The following ITGBL1 variants were observed in gnomAD, a reference collection of about 807,000 sequenced individuals.
The protein encoded by ITGBL1 is integrin subunit beta like 1.
ITGBL1 carries 51 observed loss-of-function variants against 68.5 expected under a neutral mutation model. The observed-to-expected ratio is 0.74, with a 90% CI of 0.59 to 0.94. The LOEUF (loss-of-function observed/expected upper bound fraction) is 0.94, where lower values mean the gene tolerates loss of function less well. Ranked by LOEUF, ITGBL1 falls within the 40% of genes least tolerant of loss-of-function variation. The pLI, the probability that ITGBL1 is intolerant of heterozygous loss-of-function variation, is 0.00. For synonymous variants in ITGBL1, 209 were observed against 227.3 expected (o/e 0.92, Z 0.72); for missense variants, 649 against 647.4 (o/e 1.00, Z -0.03).
At chr13:101,515,573 AT>A (rs909682187) in intron 2 of ITGBL1, among the ~76,000 whole-genome samples, 2 of 151,194 alleles carry the variant, frequency 1.3e-5, no homozygotes, top group East Asian at 1.9e-4. Context: ...GGTATCTGCC[AT>A]TTTTTTTTCT....
At chr13:101,709,321 C>T (rs1222639844) in intron 9 of ITGBL1, among the ~76,000 whole-genome samples, 2 of 135,538 alleles carry the variant, frequency 1.5e-5, no homozygotes, top group South Asian at 2.3e-4. Flanking sequence ...GCCGAGATTG[C>T]GCCACTGCAG....
At chr13:101,544,090 T>C (rs1240688083) in intron 2 of ITGBL1, among the ~76,000 whole-genome samples, 1 of 152,242 alleles carries the variant, frequency 6.6e-6, no homozygotes, top group Non-Finnish European at 1.5e-5. Flanking sequence ...GTTCTGTTGC[T>C]GGTGAGGAGC....
chr13:101,505,375 T>A (rs1387649375), intron 2 of ITGBL1, among the ~76,000 whole-genome samples: 3 of 152,168 alleles, frequency 2.0e-5, no homozygotes, highest in Non-Finnish European at 4.4e-5. Context: ...GAAGAACTCA[T>A]AATCTAGCAG....
intron 4 of ITGBL1, among the ~76,000 whole-genome samples, chr13:101,579,004 T>G (rs1368449996): frequency 6.6e-6 from 1 of 152,192 alleles, no homozygotes; most frequent in African/African-American, 2.4e-5. Context: ...GGAAAAGTAA[T>G]AGACTGTCAT....
chr13:101,682,108 G>A (rs2139529415), intron 7 of ITGBL1, among the ~76,000 whole-genome samples: 1 of 152,222 alleles, frequency 6.6e-6, no homozygotes, highest in South Asian at 2.1e-4. Flanking sequence ...ATAAAAGATT[G>A]TGGAACAAGA....
At chr13:101,495,941 T>C (rs1389937431) in intron 2 of ITGBL1, among the ~76,000 whole-genome samples, 3 of 152,190 alleles carry the variant, frequency 2.0e-5, no homozygotes, top group African/African-American at 4.8e-5. Context: ...ACATTGTATA[T>C]TTCATAATAT....
intron 7 of ITGBL1, among the ~76,000 whole-genome samples, chr13:101,646,045 G>C (rs1233876563): frequency 6.6e-6 from 1 of 152,172 alleles, no homozygotes; most frequent in African/African-American, 2.4e-5. Flanking sequence ...TAATGCCAAA[G>C]AGTGAGTGCT....
At chr13:101,462,668 C>T (rs916096782) in intron 2 of ITGBL1, among the ~76,000 whole-genome samples, 1 of 152,120 alleles carries the variant, frequency 6.6e-6, no homozygotes, top group African/African-American at 2.4e-5. Flanking sequence ...CTGCAACCTC[C>T]ACCTCCCGGG....
intron 7 of ITGBL1, among the ~76,000 whole-genome samples, chr13:101,613,090 C>G (rs1053490968): frequency 1.3e-5 from 2 of 152,030 alleles, no homozygotes; most frequent in South Asian, 2.1e-4. Flanking sequence ...CTTTTTGGAC[C>G]CTTAACTTTG....
At chr13:101,615,382 A>C (rs1168022688) in intron 7 of ITGBL1, among the ~76,000 whole-genome samples, 1 of 152,168 alleles carries the variant, frequency 6.6e-6, no homozygotes, top group African/African-American at 2.4e-5. Flanking sequence ...TATTCAACTG[A>C]TTATACCCTC....
intron 7 of ITGBL1, among the ~76,000 whole-genome samples, chr13:101,616,869 G>A (rs2031384837): frequency 6.6e-6 from 1 of 152,192 alleles, no homozygotes; most frequent in South Asian, 2.1e-4. Flanking sequence ...GGGAGTTGGG[G>A]AATCCCATAT....
chr13:101,556,435 G>A (rs1374939111), intron 2 of ITGBL1, among the ~76,000 whole-genome samples: 6 of 152,066 alleles, frequency 3.9e-5, no homozygotes, highest in African/African-American at 9.7e-5. Context: ...TCGGGAGTTC[G>A]AGACCAGCCT....
chr13:101,711,926 A>C (rs901690182), intron 9 of ITGBL1: 5 of 152,334 alleles, frequency 3.3e-5, no homozygotes, highest in Admixed American at 2.6e-4. Context: ...GCTGGGTCTC[A>C]GGGGTGTGAG....
chr13:101,663,905 G>T (rs1330093058), intron 7 of ITGBL1, among the ~76,000 whole-genome samples: 1 of 152,054 alleles, frequency 6.6e-6, no homozygotes, highest in Non-Finnish European at 1.5e-5. Flanking sequence ...GTGGCCTAAG[G>T]GAAAGAGAGA....
At chr13:101,630,266 G>A (rs1283583424) in intron 7 of ITGBL1, among the ~76,000 whole-genome samples, 5 of 151,974 alleles carry the variant, frequency 3.3e-5, no homozygotes, top group African/African-American at 9.7e-5. Flanking sequence ...TTTAAAATAA[G>A]TATTGTCATT....
chr13:101,574,063 G>A (rs1297081769), intron 3 of ITGBL1, among the ~76,000 whole-genome samples: 1 of 151,984 alleles, frequency 6.6e-6, no homozygotes, highest in Non-Finnish European at 1.5e-5. Flanking sequence ...TTATGCTATT[G>A]CTTCATCTAG....
chr13:101,501,882 A>T lies in ITGBL1; in HGVS notation c.316+47782A>T, dbSNP rs537904651. 6.0e-4 allele frequency among the ~76,000 whole-genome samples: 92 copies of T among 152,308 alleles called. 1 individual carries two copies. Among genetic ancestry groups the T allele is most frequent in the African/African-American group, 2.1e-3 (89 of 41,572 alleles). On this transcript the variant is annotated intron_variant, in intron 2 of 10. Transcript: ENST00000376180. Reference sequence around the variant, plus strand: ...CCTAACCAGCTTCCTGAAGTGGCTCATGGTTGAATTTTTGGGAATCCTTTA... The same window carrying T: ...CCTAACCAGCTTCCTGAAGTGGCTCTTGGTTGAATTTTTGGGAATCCTTTA...
chr13:101,621,798 C>A (rs2031595169), intron 7 of ITGBL1, among the ~76,000 whole-genome samples: 1 of 151,970 alleles, frequency 6.6e-6, no homozygotes, highest in South Asian at 2.1e-4. Flanking sequence ...AGACTGTTGG[C>A]AATGACAAAT....
intron 2 of ITGBL1, among the ~76,000 whole-genome samples, chr13:101,540,968 G>A (rs534839963): frequency 1.4e-4 from 16 of 113,444 alleles, no homozygotes; most frequent in Non-Finnish European, 2.8e-4. Flanking sequence ...AGACAATGGG[G>A]TTTTCTAGAT....
Sources: gnomAD v4.1 joint callset for allele counts (sites outside exome capture counted in the v4.1 genomes callset) on GRCh38, gnomAD v4.1.1 for gene constraint, MANE v1.5 for transcripts, NCBI Gene and HGNC (gene_info 2026-07-23, HGNC 2026-07-21) for gene names.